SLC39A12: variants seen among roughly 807,000 people sequenced by gnomAD.
SLC39A12 encodes the protein solute carrier family 39 member 12.
SLC39A12 carries 63 observed loss-of-function variants against 71.1 expected under a neutral mutation model. The ratio of observed to expected loss-of-function variants is 0.89; its 90% CI spans 0.72 to 1.09. The LOEUF (loss-of-function observed/expected upper bound fraction) is 1.09. Among genes scored for constraint, SLC39A12 ranks in the 50% least tolerant of loss-of-function variants. The pLI is 0.00. For missense variants in SLC39A12, 892 were observed against 812.6 expected, an observed-to-expected ratio of 1.10 and a Z score of -1.19; for synonymous variants, 351 against 301.3, an observed-to-expected ratio of 1.16 and a Z score of -1.71.
At chr10:17,952,887 A>T (rs1409572003) in intron 1 of SLC39A12, among the ~76,000 whole-genome samples, 1 of 152,128 alleles carries the variant, frequency 6.6e-6, no homozygotes, top group Non-Finnish European at 1.5e-5. Context: ...TAATGGGATA[A>T]ACATAAGGTG....
chr10:17,962,095 C>T (rs1300789800), intron 3 of SLC39A12, among the ~76,000 whole-genome samples: 1 of 152,148 alleles, frequency 6.6e-6, no homozygotes, highest in Non-Finnish European at 1.5e-5. Context: ...GGTGGACAGG[C>T]AGTCCAGGTG....
chr10:17,987,743 T>G (rs1835438926), intron 7 of SLC39A12, 92 bp downstream of exon 7: 5 of 1,341,674 alleles, frequency 3.7e-6, no homozygotes, highest in African/African-American at 1.4e-5. Flanking sequence ...TTACTGAGAC[T>G]TCAAAGAGAG....
In SLC39A12 at chr10:17,993,304, T is replaced by A; in HGVS notation, c.1533+13T>A. The stretch of plus-strand genomic sequence containing the variant: ...AACTATCCAGTTGGTAGGTTCCTGA[T>A]CTGAAGCATTCTACTGATCTGATTA... On this transcript the variant is annotated intron_variant, in intron 9 of 12. Transcript: ENST00000377369. 6.8e-7 allele frequency: 1 copy of A among 1,470,150 alleles called. No homozygotes were observed. The highest frequency in any genetic ancestry group is 1.2e-5 in the South Asian group (1 of 82,246). 91.1% of individuals were successfully genotyped at this position (1,470,150 alleles called of 1,614,324 possible). A position where few individuals can be genotyped will look rare whatever the true frequency, so the allele number is the denominator to read the frequency against.
intron 2 of SLC39A12, among the ~76,000 whole-genome samples, chr10:17,953,780 C>G (rs139863343): frequency 1.3e-5 from 2 of 152,204 alleles, no homozygotes; most frequent in Non-Finnish European, 2.9e-5. Context: ...TAGAACCCTT[C>G]TGCATATTTA....
rs865947512 is a variant in SLC39A12 at position 18,003,253 on chromosome 10, C to A, written c.1842C>A (p.Phe614Leu). The part of the protein sequence containing the change: ...LMNFISSLTA[F>L]MGLYIGLSVS... Reference sequence around the variant, plus strand: ...ATTTTATAAGCTCCCTAACTGCCTTCATGGGATTATACATTGGCCTTTCCG... The same window carrying A: ...ATTTTATAAGCTCCCTAACTGCCTTAATGGGATTATACATTGGCCTTTCCG... Residue 614 changes from phenylalanine to leucine, a missense_variant, in exon 12 of 13, where the codon TTC (phenylalanine) becomes TTA (leucine). Coordinates refer to ENST00000377369, the MANE Select transcript of SLC39A12 (RefSeq NM_001145195.2). 1 of 1,614,092 alleles carries A rather than the reference C, an allele frequency of 6.2e-7. No homozygotes were observed. The highest frequency in any genetic ancestry group is 8.5e-7 in the Non-Finnish European group (1 of 1,179,992).
intron 12 of SLC39A12, among the ~76,000 whole-genome samples, chr10:18,036,771 TATA>T (rs1837045270): frequency 4.3e-5 from 2 of 47,020 alleles, no homozygotes; most frequent in African/African-American, 2.5e-4. Context: ...TATATATATA[TATA>T]TATATATATA....
chr10:17,991,612 A>G (rs1026377623), intron 8 of SLC39A12, among the ~76,000 whole-genome samples: 4 of 152,332 alleles, frequency 2.6e-5, no homozygotes, highest in African/African-American at 7.2e-5. Context: ...CGTTTTGGAT[A>G]TCTTTCTTAA....
intron 4 of SLC39A12, among the ~76,000 whole-genome samples, chr10:17,975,491 C>A (rs1835086085): frequency 6.6e-6 from 1 of 152,168 alleles, no homozygotes; most frequent in Non-Finnish European, 1.5e-5. Flanking sequence ...GAAACAGGAC[C>A]TTGCAACTCT....
At chr10:18,036,343 T>C (rs982308985) in intron 12 of SLC39A12, among the ~76,000 whole-genome samples, 3 of 152,126 alleles carry the variant, frequency 2.0e-5, no homozygotes, top group Non-Finnish European at 4.4e-5. Context: ...TGGGATATAA[T>C]CTCGTGGTGC....
chr10:18,038,864 C>T (rs556305323), intron 12 of SLC39A12, among the ~76,000 whole-genome samples: 1 of 152,180 alleles, frequency 6.6e-6, no homozygotes, highest in Non-Finnish European at 1.5e-5. Flanking sequence ...AAGTGTGAGG[C>T]AAAGATGGAA....
chr10:17,994,557 A>G (rs781222974), intron 9 of SLC39A12, among the ~76,000 whole-genome samples: 46 of 152,152 alleles, frequency 3.0e-4, no homozygotes, highest in Non-Finnish European at 5.0e-4. Context: ...TGAATTCTGT[A>G]TTTTCACAGA....
At chr10:18,017,617 T>C (rs1019778397) in intron 12 of SLC39A12, among the ~76,000 whole-genome samples, 2 of 152,242 alleles carry the variant, frequency 1.3e-5, no homozygotes, top group Non-Finnish European at 2.9e-5. Flanking sequence ...GATTTCAGGT[T>C]GTTCCAGCAC....
intron 7 of SLC39A12, among the ~76,000 whole-genome samples, chr10:17,990,229 A>T (rs922943580): frequency 9.2e-5 from 14 of 152,136 alleles, no homozygotes; most frequent in Non-Finnish European, 2.1e-4. Flanking sequence ...GCAAGAGAAA[A>T]AGTTGACTAA....
Position 17,961,639 on chromosome 10 carries a change from G to C in SLC39A12, c.320G>C (p.Arg107Thr). 6.2e-7 allele frequency: 1 copy of C among 1,614,068 alleles called. No homozygotes were observed. Among genetic ancestry groups the C allele is most frequent in the Non-Finnish European group, 8.5e-7 (1 of 1,179,974 alleles). Reference protein sequence around the residue: ...IAGGNFEDQLREEVVQRVSLL... With the variant: ...IAGGNFEDQLTEEVVQRVSLL... Reference sequence around the variant, plus strand: ...GGAGGAAATTTTGAAGATCAGCTTAGAGAAGAAGTGGTCCAGAGAGTTTCT... The same window carrying C: ...GGAGGAAATTTTGAAGATCAGCTTACAGAAGAAGTGGTCCAGAGAGTTTCT... The change falls in exon 3 of 13, where the codon AGA becomes ACA. Residue 107 changes from arginine to threonine, a missense_variant. Physicochemically the swap from Arg to Thr is moderately conservative, Grantham distance 71 (BLOSUM62 -1). Coordinates refer to ENST00000377369, the MANE Select transcript of SLC39A12 (RefSeq NM_001145195.2).
At chr10:18,010,547 TC>T (rs1836184841) in intron 12 of SLC39A12, 1 of 152,142 alleles carries the variant, frequency 6.6e-6, no homozygotes, top group South Asian at 2.1e-4. Context: ...TTGAAAGACT[TC>T]TATTCTCTTT....
At chr10:18,020,949 G>T (rs548235446) in intron 12 of SLC39A12, among the ~76,000 whole-genome samples, 1 of 152,160 alleles carries the variant, frequency 6.6e-6, no homozygotes, top group East Asian at 1.9e-4. Context: ...AGTTTATTTT[G>T]CTGTGCAGAA....
At chr10:17,956,647 C>T (rs145597343) in intron 2 of SLC39A12, among the ~76,000 whole-genome samples, 26 of 152,302 alleles carry the variant, frequency 1.7e-4, no homozygotes, top group Non-Finnish European at 3.1e-4. Context: ...GTCCCAGGCT[C>T]CCCTCCACTG....
At chr10:17,994,196 T>G (rs2130830521) in intron 9 of SLC39A12, among the ~76,000 whole-genome samples, 2 of 152,274 alleles carry the variant, frequency 1.3e-5, no homozygotes, top group African/African-American at 4.8e-5. Context: ...CTGACCTTAT[T>G]CCTTCTCTTT....
chr10:17,962,972 A>C (rs530896972), intron 3 of SLC39A12, among the ~76,000 whole-genome samples: 2 of 152,248 alleles, frequency 1.3e-5, no homozygotes, highest in East Asian at 3.9e-4. Context: ...CCTAGGCAAC[A>C]TAGCAAGACC....
Sources: gnomAD v4.1 joint callset for allele counts (sites outside exome capture counted in the v4.1 genomes callset) on GRCh38, gnomAD v4.1.1 for gene constraint, MANE v1.5 for transcripts, NCBI Gene and HGNC (gene_info 2026-07-23, HGNC 2026-07-21) for gene names.